Variants in SV2C observed in about 807,000 individuals in gnomAD.
SV2C encodes the protein synaptic vesicle glycoprotein 2C.
Under a neutral mutation model 79.7 loss-of-function variants are expected in SV2C, and 49 were observed. The observed-to-expected ratio is 0.61, with a 90% CI of 0.49 to 0.78. The LOEUF is 0.78. Among genes scored for constraint, SV2C ranks in the 30% least tolerant of loss-of-function variants. SV2C has a pLI of 0.00. For synonymous variants in SV2C, 334 were observed against 333.2 expected (o/e 1.00, Z -0.03); for missense variants, 833 against 912.9 (o/e 0.91, Z 1.13).
intron 4 of SV2C, among the ~76,000 whole-genome samples, chr5:76,255,802 T>G (rs1378875581): frequency 6.6e-6 from 1 of 152,158 alleles, no homozygotes; most frequent in Non-Finnish European, 1.5e-5. Flanking sequence ...CTGCCTCACC[T>G]GAGACTCTCA....
At chr5:76,169,456 A>C (rs1268310413) in intron 2 of SV2C, among the ~76,000 whole-genome samples, 1 of 152,218 alleles carries the variant, frequency 6.6e-6, no homozygotes, top group Non-Finnish European at 1.5e-5. Flanking sequence ...CAAAGGCATA[A>C]GTAGGTATAT....
At chr5:75,982,154 G>A in the SV2C span, among the ~76,000 whole-genome samples, 7 of 150,822 alleles carry the variant, frequency 4.6e-5, no homozygotes, top group South Asian at 1.3e-3. Context: ...TGGGTGCAGC[G>A]CACCAGCATG....
intron 4 of SV2C, among the ~76,000 whole-genome samples, chr5:76,211,568 T>G (rs1025438889): frequency 1.3e-5 from 2 of 151,862 alleles, no homozygotes; most frequent in Admixed American, 1.3e-4. Context: ...CCGTATAAAT[T>G]AAAACCACAT....
At chr5:76,072,268 TAATTAAATGTGTGAAC>T in the SV2C span, among the ~76,000 whole-genome samples, 1 of 152,216 alleles carries the variant, frequency 6.6e-6, no homozygotes, top group African/African-American at 2.4e-5. Flanking sequence ...TGTGAAAAAT[TAATTAAATGTGTGAAC>T]AATTATTCAA....
chr5:76,033,948 T>G, the SV2C span, among the ~76,000 whole-genome samples: 8 of 152,192 alleles, frequency 5.3e-5, no homozygotes, highest in Non-Finnish European at 8.8e-5. Context: ...TAGTTCTCCT[T>G]GAAGAGGTCC....
chr5:76,251,485 A>G (rs1746116109), intron 4 of SV2C, among the ~76,000 whole-genome samples: 1 of 152,180 alleles, frequency 6.6e-6, no homozygotes, highest in Non-Finnish European at 1.5e-5. Flanking sequence ...CAGGAGTTAG[A>G]GGCTTCGGTG....
At chr5:76,340,924 ATTTTTT>A (rs56102200) in intron 12 of SV2C, among the ~76,000 whole-genome samples, 1 of 111,928 alleles carries the variant, frequency 8.9e-6, no homozygotes, top group East Asian at 2.7e-4. Flanking sequence ...GTTTTACAAA[ATTTTTT>A]TTTTTTTTTT....
At chr5:76,003,027 T>C in the SV2C span, among the ~76,000 whole-genome samples, 1 of 152,124 alleles carries the variant, frequency 6.6e-6, no homozygotes, top group East Asian at 1.9e-4. Context: ...GTTTCCCCCA[T>C]GCTGTTCTCG....
At chr5:76,083,574 T>C (rs945226836) in intron 1 of SV2C, 62 bp downstream of exon 1, 1 of 152,328 alleles carries the variant, frequency 6.6e-6, no homozygotes, top group Non-Finnish European at 1.5e-5. Context: ...TGGATTTCTC[T>C]TCCCGACTGG....
chr5:75,978,927 G>T, the SV2C span, among the ~76,000 whole-genome samples: 1 of 151,838 alleles, frequency 6.6e-6, no homozygotes, highest in African/African-American at 2.4e-5. Flanking sequence ...GGTTGCAGTG[G>T]GCTGAGGTCA....
At chr5:76,048,369 C>T in the SV2C span, among the ~76,000 whole-genome samples, 2 of 152,204 alleles carry the variant, frequency 1.3e-5, no homozygotes, top group Non-Finnish European at 2.9e-5. Context: ...CTCTGCCTTT[C>T]TGTTGTATTC....
At chr5:75,897,998 A>G in the SV2C span, among the ~76,000 whole-genome samples, 1 of 151,732 alleles carries the variant, frequency 6.6e-6, no homozygotes, top group East Asian at 1.9e-4. Context: ...TTGATATACA[A>G]TCATATCGTC....
the SV2C span, among the ~76,000 whole-genome samples, chr5:76,004,452 G>C: frequency 1.3e-5 from 2 of 152,082 alleles, no homozygotes; most frequent in Admixed American, 1.3e-4. Flanking sequence ...AGAGGGATGA[G>C]GTGTATAAAG....
At chr5:75,969,514 C>T in the SV2C span, among the ~76,000 whole-genome samples, 6 of 152,082 alleles carry the variant, frequency 3.9e-5, no homozygotes, top group Admixed American at 2.6e-4. Context: ...AAAAGGCAGG[C>T]ATTGCAATCC....
At chr5:76,079,608 C>T (rs1746949420), upstream of SV2C, 1 of 341,472 alleles carries the variant, frequency 2.9e-6, no homozygotes, top group Non-Finnish European at 5.8e-6. Context: ...AAATATTTTA[C>T]ACAGGCAAAC....
At chr5:75,929,465 T>G in the SV2C span, among the ~76,000 whole-genome samples, 1 of 151,870 alleles carries the variant, frequency 6.6e-6, no homozygotes, top group Non-Finnish European at 1.5e-5. Context: ...AATGTGATTA[T>G]CATGAATGTG....
the SV2C span, among the ~76,000 whole-genome samples, chr5:76,046,649 C>T: frequency 5.9e-5 from 9 of 152,036 alleles, no homozygotes; most frequent in African/African-American, 1.4e-4. Context: ...CATAAATAAG[C>T]GCTATCATAA....
At chr5:75,913,722 C>T in the SV2C span, among the ~76,000 whole-genome samples, 1 of 152,104 alleles carries the variant, frequency 6.6e-6, no homozygotes, top group African/African-American at 2.4e-5. Context: ...ACTGGTGAAC[C>T]ATCTCTTGGC....
intron 10 of SV2C, among the ~76,000 whole-genome samples, chr5:76,299,986 A>C (rs953505881): frequency 1.3e-5 from 2 of 152,074 alleles, no homozygotes; most frequent in African/African-American, 4.8e-5. Flanking sequence ...TTTAAATTAT[A>C]AATTCAGCCT....
Sources: allele counts gnomAD v4.1 joint callset (sites outside exome capture counted in the v4.1 genomes callset), GRCh38; gene constraint gnomAD v4.1.1; transcripts MANE v1.5; gene names NCBI Gene and HGNC (gene_info 2026-07-23, HGNC 2026-07-21).